Variants in FHAD1 observed in about 807,000 individuals in gnomAD.
FHAD1 encodes forkhead-associated domain-containing protein 1.
A neutral mutation model predicts 191.3 loss-of-function variants in FHAD1; 146 were observed. The observed-to-expected ratio is 0.76, with a 90% confidence interval of 0.67 to 0.88. The LOEUF (loss-of-function observed/expected upper bound fraction) is 0.88, where lower values mean the gene tolerates loss of function less well. Among genes scored for constraint, FHAD1 ranks in the 40% least tolerant of loss-of-function variants. The pLI, the probability that FHAD1 is intolerant of heterozygous loss-of-function variation, is 0.00. For missense variants in FHAD1, 1,635 were observed against 1,785.8 expected (o/e 0.92, Z 1.52); for synonymous variants, 616 against 672.3 (o/e 0.92, Z 1.29).
intron 3 of FHAD1, among the ~76,000 whole-genome samples, chr1:15,272,769 G>A (rs1410922649): frequency 6.6e-6 from 1 of 152,196 alleles, no homozygotes; most frequent in Non-Finnish European, 1.5e-5. Flanking sequence ...GGCTCACATA[G>A]AACCAGTTTT....
chr1:15,262,470 CTA>C (rs1389426138), intron 2 of FHAD1, among the ~76,000 whole-genome samples: 1 of 152,298 alleles, frequency 6.6e-6, no homozygotes, highest in South Asian at 2.1e-4. Flanking sequence ...CGAGGTCTCA[CTA>C]TGTTTCCAGG....
rs753159687 is a variant in FHAD1, at chr1:15,362,716, G to A, written c.3037G>A (p.Glu1013Lys). 1.2e-5 allele frequency: 18 copies of A among 1,551,450 alleles called. No individual in the cohort carries two copies. In the South Asian group the frequency reaches 1.8e-4, roughly 15 times the overall value. Residue 1013 changes from glutamate (E) to lysine (K), a missense_variant, in exon 23 of 34, where the codon GAA (glutamate) becomes AAA (lysine). Glu to Lys is a moderately conservative substitution (Grantham distance 56). Transcript: ENST00000688493. ...TESSAKDMAY[E>K]HLIDDLLAAQ... ...GAGCAGTGCCAAAGACATGGCGTAC[G>A]AACATCTGATGTGAGTACCCGTGGG...
intron 33 of FHAD1, among the ~76,000 whole-genome samples, chr1:15,395,688 A>G (rs1406979718): frequency 6.6e-6 from 1 of 152,158 alleles, no homozygotes; most frequent in Non-Finnish European, 1.5e-5. Context: ...CCCCTTAAAT[A>G]TACTTCACTT....
At chr1:15,364,966 G>A (rs1018176370) in intron 23 of FHAD1, among the ~76,000 whole-genome samples, 1 of 152,178 alleles carries the variant, frequency 6.6e-6, no homozygotes, top group Non-Finnish European at 1.5e-5. Context: ...GGTGTGGGAG[G>A]GGAAGTTGTC....
intron 8 of FHAD1, among the ~76,000 whole-genome samples, chr1:15,315,439 G>A (rs1172084855): frequency 6.6e-6 from 1 of 150,712 alleles, no homozygotes; most frequent in Non-Finnish European, 1.5e-5. Context: ...TCTTGTCTGT[G>A]CACAATGGAA....
At chr1:15,245,156 G>A (rs955211081), upstream of FHAD1, among the ~76,000 whole-genome samples, 1 of 152,188 alleles carries the variant, frequency 6.6e-6, no homozygotes, top group African/African-American at 2.4e-5. Context: ...TCGCCCGCAT[G>A]ATCCAAGCAC....
chr1:15,246,746 C>T (rs922047175), upstream of FHAD1, among the ~76,000 whole-genome samples: 2 of 151,986 alleles, frequency 1.3e-5, no homozygotes, highest in Non-Finnish European at 2.9e-5. Flanking sequence ...GGAAGAAATC[C>T]TCATTCTTTC....
rs12032022 is a variant in FHAD1, at chr1:15,296,718, A to G, written c.603A>G (p.Ser201=). The G allele has an allele frequency of 8.0e-3, 12,358 of 1,552,088 alleles. 327 individuals are homozygous for G. The highest frequency in any genetic ancestry group is 0.078 in the East Asian group (3,202 of 40,910). Residue 201 remains serine, a synonymous_variant, in exon 5 of 34, where the codon TCA becomes TCG. Coordinates refer to ENST00000688493, the MANE Select transcript of FHAD1 (RefSeq NM_001391957.1). ...WTNAMKLSEK[S]VAEGIPGAVP... ...ATGCCATGAAACTGTCAGAAAAATCAGTGGCCGAGGGGATTCCTGGGGCAG... is the reference window on the plus strand; with the variant it reads ...ATGCCATGAAACTGTCAGAAAAATCGGTGGCCGAGGGGATTCCTGGGGCAG...
intron 20 of FHAD1, among the ~76,000 whole-genome samples, chr1:15,357,244 G>A (rs759441053): frequency 2.0e-5 from 3 of 152,158 alleles, no homozygotes; most frequent in African/African-American, 4.8e-5. Context: ...AATAATGTTC[G>A]TAAGATGCCC....
At chr1:15,267,950 A>AT (rs34208769) in intron 2 of FHAD1, among the ~76,000 whole-genome samples, 34,918 of 147,970 alleles carry the variant, frequency 0.24, 4,221 homozygotes, top group African/African-American at 0.3. Flanking sequence ...GAATATAAAA[A>AT]ATATATATAT....
At chr1:15,348,698 C>G (rs72866713) in intron 18 of FHAD1, among the ~76,000 whole-genome samples, 311 of 152,258 alleles carry the variant, frequency 2.0e-3, no homozygotes, top group African/African-American at 7.0e-3. Flanking sequence ...AAGCTGCCCC[C>G]GCTGCTCCCG....
chr1:15,306,561 G>C (rs112702755), intron 6 of FHAD1, among the ~76,000 whole-genome samples: 8,844 of 152,238 alleles, frequency 0.058, 772 homozygotes, highest in African/African-American at 0.19. Context: ...GGTTTTGTGG[G>C]CCAGGCCCGG....
rs2102991949 is a variant in FHAD1, at chr1:15,381,567, G to C, written c.4022+116G>C. ...ACAGGAGGACAGAGACCCACGTGTG[G>C]AATACCTGCAATGTCAGAAGGGGAC... On this transcript the variant is annotated intron_variant, in intron 30 of 33. Coordinates refer to ENST00000688493, the MANE Select transcript of FHAD1 (RefSeq NM_001391957.1). The surrounding 1 kb of genome is among the most constrained non-coding windows in gnomAD (Gnocchi z 4.6). 1.3e-6 allele frequency: 1 copy of C among 746,766 alleles called. No homozygotes were observed. Among genetic ancestry groups the C allele is most frequent in the South Asian group, 1.8e-5 (1 of 55,336 alleles). The allele number at this position is 746,766 out of a possible 1,614,324, so 46.3% of individuals were successfully genotyped here.
chr1:15,325,152 G>C lies in FHAD1; in HGVS notation c.1473+593G>C, dbSNP rs72864868. 1 of 152,992 alleles carries C rather than the reference G, an allele frequency of 6.5e-6. No homozygotes were observed. The highest frequency in any genetic ancestry group is 1.5e-5 in the Non-Finnish European group (1 of 68,662). 9.5% of individuals were successfully genotyped at this position (152,992 alleles called of 1,614,324 possible). ...GTCATGGGGGCCGGAATGTGCAGAC[G>C]AAAGTTTACCAAAAGCTAAGGGAAA... On this transcript the variant is annotated intron_variant, in intron 11 of 33. Transcript: ENST00000688493. The surrounding 1 kb of genome is among the most constrained non-coding windows in gnomAD (Gnocchi z 4.6).
chr1:15,268,283 A>T (rs1200815444), intron 2 of FHAD1, among the ~76,000 whole-genome samples: 1 of 151,884 alleles, frequency 6.6e-6, no homozygotes, highest in Non-Finnish European at 1.5e-5. Context: ...AGTGAGAATG[A>T]TGATTTCCAA....
intron 16 of FHAD1, among the ~76,000 whole-genome samples, chr1:15,343,511 C>T (rs1435416105): frequency 6.6e-6 from 1 of 152,178 alleles, no homozygotes; most frequent in Non-Finnish European, 1.5e-5. Context: ...ACCTCTCCCT[C>T]TTTCATCTCC....
chr1:15,399,072 T>C (rs923406307), downstream of FHAD1, among the ~76,000 whole-genome samples: 12 of 152,202 alleles, frequency 7.9e-5, no homozygotes, highest in Admixed American at 2.0e-4. Context: ...TCCACCCACC[T>C]TGGCGTCCCA....
chr1:15,273,251 A>G (rs1412260071), intron 3 of FHAD1, among the ~76,000 whole-genome samples: 1 of 152,136 alleles, frequency 6.6e-6, no homozygotes, highest in Non-Finnish European at 1.5e-5. Flanking sequence ...TTGAAACCTA[A>G]ATGCCCATCA....
At chr1:15,279,734 C>CG (rs1659874953) in intron 3 of FHAD1, among the ~76,000 whole-genome samples, 1 of 151,970 alleles carries the variant, frequency 6.6e-6, no homozygotes, top group Non-Finnish European at 1.5e-5. Context: ...TGACTATCCC[C>CG]GAACCAATCA....
Sources: allele counts gnomAD v4.1 joint callset (sites outside exome capture counted in the v4.1 genomes callset), GRCh38; gene constraint gnomAD v4.1.1; non-coding constraint Gnocchi (gnomAD v3.1); transcripts MANE v1.5; gene names NCBI Gene and HGNC (gene_info 2026-07-23, HGNC 2026-07-21).